Variants in RAD51B observed in about 807,000 individuals in gnomAD.
The protein encoded by RAD51B is RAD51 paralog B.
In RAD51B, 38 loss-of-function variants were observed where a neutral mutation model predicts 42.2. The ratio of observed to expected loss-of-function variants is 0.90; its 90% confidence interval spans 0.70 to 1.18. The LOEUF (loss-of-function observed/expected upper bound fraction) is 1.18, where lower values mean the gene tolerates loss of function less well. Among genes scored for constraint, RAD51B ranks in the 50% most tolerant of loss-of-function variants. The pLI is 0.00. For missense variants in RAD51B, 373 were observed against 400.7 expected (o/e 0.93, Z 0.59); for synonymous variants, 154 against 145.2 (o/e 1.06, Z -0.43).
intron 8 of RAD51B, among the ~76,000 whole-genome samples, chr14:68,386,224 T>C (rs1308213274): frequency 6.6e-6 from 1 of 152,168 alleles, no homozygotes; most frequent in Non-Finnish European, 1.5e-5. Flanking sequence ...TGCTGTGGGT[T>C]CCATCTGCTA....
intron 11 of RAD51B, among the ~76,000 whole-genome samples, chr14:68,655,768 C>T (rs1044920356): frequency 6.6e-6 from 1 of 152,208 alleles, no homozygotes; most frequent in Non-Finnish European, 1.5e-5. Flanking sequence ...AGCTGGAAAC[C>T]GGCCCTAAGA....
intron 7 of RAD51B, among the ~76,000 whole-genome samples, chr14:68,177,342 T>C (rs890065420): frequency 1.3e-5 from 2 of 152,234 alleles, no homozygotes; most frequent in Admixed American, 1.3e-4. Context: ...TGTGTATGTT[T>C]ACACAGGTAG....
At chr14:68,661,494 A>G (rs1359298145) in intron 11 of RAD51B, among the ~76,000 whole-genome samples, 1 of 152,150 alleles carries the variant, frequency 6.6e-6, no homozygotes, top group Non-Finnish European at 1.5e-5. Flanking sequence ...CCAGACCCCA[A>G]AGCCCTGGTT....
rs73274194 is a variant in RAD51B at position 68,370,349 on chromosome 14, G to T, written c.854-41075G>T. ...GCAACAACAATAACATCTATTTATG[G>T]CACCTAATAATTTTAAAGTTCCTTT... On this transcript the variant is annotated intron_variant, in intron 8 of 10. Coordinates refer to ENST00000471583, the MANE Select transcript of RAD51B (RefSeq NM_133510.4). Among the ~76,000 whole-genome samples the T allele has an allele frequency of 8.8e-3, 1,346 of 152,282 alleles. 18 individuals carry two copies. The highest frequency in any genetic ancestry group is 0.031 in the African/African-American group (1,306 of 41,548).
At chr14:68,604,341 T>C (rs1891354317) in intron 10 of RAD51B, among the ~76,000 whole-genome samples, 1 of 151,312 alleles carries the variant, frequency 6.6e-6, no homozygotes, top group African/African-American at 2.4e-5. Flanking sequence ...TCCAGTGTGA[T>C]ATTTGACAAG....
chr14:68,263,377 A>G (rs1215656518), intron 7 of RAD51B, among the ~76,000 whole-genome samples: 4 of 152,218 alleles, frequency 2.6e-5, no homozygotes, highest in Non-Finnish European at 5.9e-5. Flanking sequence ...GAGGAGTGAA[A>G]AGGGAAATCA....
At chr14:68,088,708 G>C (rs1270265908) in intron 7 of RAD51B, among the ~76,000 whole-genome samples, 2 of 150,762 alleles carry the variant, frequency 1.3e-5, no homozygotes, top group Non-Finnish European at 3.0e-5. Flanking sequence ...AAGTGGGGGA[G>C]AGAAATAAAT....
intron 7 of RAD51B, among the ~76,000 whole-genome samples, chr14:67,986,896 T>A (rs915429763): frequency 2.0e-5 from 3 of 152,192 alleles, no homozygotes; most frequent in African/African-American, 4.8e-5. Context: ...CATGCCCAGC[T>A]AATTTTTGTA....
At chr14:67,857,409 T>C (rs926771606) in intron 4 of RAD51B, among the ~76,000 whole-genome samples, 1 of 152,216 alleles carries the variant, frequency 6.6e-6, no homozygotes, top group African/African-American at 2.4e-5. Flanking sequence ...AATCAGTACA[T>C]AAAAATAATG....
intron 7 of RAD51B, among the ~76,000 whole-genome samples, chr14:68,124,376 A>G (rs1173699123): frequency 6.6e-6 from 1 of 152,188 alleles, no homozygotes; most frequent in Non-Finnish European, 1.5e-5. Flanking sequence ...GCAGATTAAG[A>G]AGACTTTGGG....
At chr14:68,271,536 C>A (rs1300956386) in intron 7 of RAD51B, among the ~76,000 whole-genome samples, 1 of 152,166 alleles carries the variant, frequency 6.6e-6, no homozygotes, top group Non-Finnish European at 1.5e-5. Flanking sequence ...GGCAATACAG[C>A]ATGGTAGGTA....
At chr14:68,095,803 A>G (rs1206913275) in intron 7 of RAD51B, among the ~76,000 whole-genome samples, 1 of 151,730 alleles carries the variant, frequency 6.6e-6, no homozygotes, top group Admixed American at 6.6e-5. Flanking sequence ...GTGAAACACC[A>G]TCTCTACTAA....
chr14:68,241,918 T>G (rs2080396781), intron 7 of RAD51B, among the ~76,000 whole-genome samples: 1 of 152,230 alleles, frequency 6.6e-6, no homozygotes, highest in African/African-American at 2.4e-5. Context: ...TGGGTTGTTA[T>G]GAGGATTAAA....
chr14:68,614,932 G>T (rs1230672372), downstream of RAD51B, among the ~76,000 whole-genome samples: 1 of 152,164 alleles, frequency 6.6e-6, no homozygotes, highest in Admixed American at 6.5e-5. Flanking sequence ...GAGTGCACTG[G>T]CATGATCTCA....
intron 7 of RAD51B, among the ~76,000 whole-genome samples, chr14:67,923,125 G>T (rs373319167): frequency 6.6e-6 from 1 of 152,024 alleles, no homozygotes; most frequent in Non-Finnish European, 1.5e-5. Flanking sequence ...ACAACGTTTG[G>T]TTTTCCATTC....
At chr14:68,308,966 C>T (rs147982171) in intron 8 of RAD51B, among the ~76,000 whole-genome samples, 1 of 152,128 alleles carries the variant, frequency 6.6e-6, no homozygotes, top group South Asian at 2.1e-4. Flanking sequence ...AAGGCTCTTA[C>T]AAAACAGAGG....
At chr14:68,618,227 T>C (rs543149100) in intron 10 of RAD51B, among the ~76,000 whole-genome samples, 4 of 152,340 alleles carry the variant, frequency 2.6e-5, no homozygotes, top group African/African-American at 9.6e-5. Context: ...CTTTGGCCTG[T>C]CAACCTGTCT....
intron 8 of RAD51B, among the ~76,000 whole-genome samples, chr14:68,385,463 C>T (rs1257792930): frequency 6.6e-6 from 1 of 152,220 alleles, no homozygotes; most frequent in Non-Finnish European, 1.5e-5. Flanking sequence ...CAGCCAAATG[C>T]TCTCACATTT....
intron 9 of RAD51B, among the ~76,000 whole-genome samples, chr14:68,415,346 G>A (rs2877465): frequency 0.19 from 28,561 of 152,130 alleles, 3,163 homozygotes; most frequent in East Asian, 0.44. Context: ...TCGTCAGAGG[G>A]CACAGGCTGG....
Sources: allele counts gnomAD v4.1 joint callset (sites outside exome capture counted in the v4.1 genomes callset), GRCh38; gene constraint gnomAD v4.1.1; transcripts MANE v1.5; gene names NCBI Gene and HGNC (gene_info 2026-07-23, HGNC 2026-07-21).